Variants in EVA1B observed in about 807,000 individuals in gnomAD.
EVA1B encodes the protein protein eva-1 homolog B.
A neutral mutation model predicts 4.6 loss-of-function variants in EVA1B; 2 were observed. That is an observed-to-expected ratio of 0.43 (90% CI 0.18 to 1.37). The LOEUF is 1.37. EVA1B is among the 40% of genes most tolerant of loss of function. EVA1B has a pLI of 0.28. For synonymous variants in EVA1B, 124 were observed against 115.8 expected (o/e 1.07, Z -0.46); for missense variants, 263 against 240.4 (o/e 1.09, Z -0.62).
Position 36,322,387 on chromosome 1 carries a change from A to C in EVA1B, c.406T>G (p.Trp136Gly). Residue 136 changes from tryptophan to glycine, a missense_variant, in exon 3 of 3, where the codon TGG (tryptophan) becomes GGG (glycine). Coordinates refer to ENST00000490466, the MANE Select transcript of EVA1B (RefSeq NM_001304762.2). ...EERERILREI[W>G]RTGQPDLLGT... ...AGCAGGTCCGGCTGCCCGGTGCGCC[A>C]GATCTCCCGCAGGATCCGTTCGCGC... The C allele has an allele frequency of 6.3e-7, 1 of 1,596,580 alleles. No individual in the cohort carries two copies. Among genetic ancestry groups the C allele is most frequent in the South Asian group, 1.1e-5 (1 of 90,314 alleles).
chr1:36,322,414 C>T lies in EVA1B; in HGVS notation c.379G>A (p.Glu127Lys). The change falls in exon 3 of 3, where the codon GAG becomes AAG. Residue 127 changes from glutamate to lysine, a missense_variant. Glu to Lys is a moderately conservative substitution (Grantham distance 56, BLOSUM62 1). Coordinates refer to ENST00000490466, the MANE Select transcript of EVA1B (RefSeq NM_001304762.2). ...EELERAQRLE[E>K]RERILREIWR... ...ATCTCCCGCAGGATCCGTTCGCGCTCCTCCAGCCGCTGCGCCCGCTCCAGC... is the reference window on the plus strand; with the variant it reads ...ATCTCCCGCAGGATCCGTTCGCGCTTCTCCAGCCGCTGCGCCCGCTCCAGC... The T allele has an allele frequency of 6.2e-7, 1 of 1,601,670 alleles. No homozygotes were observed. The highest frequency in any genetic ancestry group is 8.5e-7 in the Non-Finnish European group (1 of 1,179,282).
chr1:36,322,177 C>A lies in EVA1B; in HGVS notation c.*118G>T. 7.3e-7 allele frequency: 1 copy of A among 1,365,758 alleles called. No individual in the cohort carries two copies. The highest frequency in any genetic ancestry group is 2.8e-5 in the East Asian group (1 of 35,404). 84.6% of individuals were successfully genotyped at this position (1,365,758 alleles called of 1,614,324 possible). ...AGGGAGCCTCTCAGGGGGTGGCGGTCCACGCCCAGTAGCACCTGGGAGCTG... is the reference window on the plus strand; with the variant it reads ...AGGGAGCCTCTCAGGGGGTGGCGGTACACGCCCAGTAGCACCTGGGAGCTG... On this transcript the variant is annotated 3_prime_UTR_variant, in exon 3 of 3. Transcript: ENST00000490466.
At chr1:36,323,309 G>C (rs936714586) in intron 1 of EVA1B, 150 bp downstream of exon 1, 1 of 430,358 alleles carries the variant, frequency 2.3e-6, no homozygotes, top group Admixed American at 4.4e-5. Context: ...GAGGTCCCCA[G>C]CTGAGGCCCG....
At chr1:36,322,916 G>A in intron 2 of EVA1B, 55 bp downstream of exon 2, 1 of 1,590,714 alleles carries the variant, frequency 6.3e-7, no homozygotes, top group Middle Eastern at 1.7e-4. Context: ...GGGAGGGAAG[G>A]GGATGGTGGT....
At chr1:36,322,876 A>G in intron 2 of EVA1B, 95 bp downstream of exon 2, 1 of 1,527,974 alleles carries the variant, frequency 6.5e-7, no homozygotes, top group Non-Finnish European at 9.0e-7. Flanking sequence ...GAGGGCGGGG[A>G]GCGGGGCGGA....
In EVA1B at chr1:36,322,637, C is replaced by A. The variant is rs542369630; in HGVS notation, c.156G>T (p.Ser52=). 3.5e-4 allele frequency: 537 copies of A among 1,546,240 alleles called. 2 individuals are homozygous for A. The East Asian group carries it at 0.013, about 36-fold the overall frequency. Residue 52 remains serine, a synonymous_variant, in exon 3 of 3, where the codon TCG becomes TCT. Transcript: ENST00000490466. The part of the protein sequence containing the change: ...LTLCLLVISI[S]WAPRPRPRGP... ...CCCGGGGCCGCGGGCGGGGCGCCCA[C>A]GAGATGCTGATGACGAGCAGGCAGA...
At chr1:36,322,859 C>G in intron 2 of EVA1B, 112 bp downstream of exon 2, 1 of 1,508,704 alleles carries the variant, frequency 6.6e-7, no homozygotes, top group South Asian at 1.2e-5. Flanking sequence ...GAACCGCCAG[C>G]GGGCAAGAGG....
In EVA1B at chr1:36,323,558, C is replaced by G. The variant is rs1398358060; in HGVS notation, c.-130G>C. On this transcript the variant is annotated 5_prime_UTR_variant, in exon 1 of 3. Coordinates refer to ENST00000490466, the MANE Select transcript of EVA1B (RefSeq NM_001304762.2). ...GCCCGCTCGGGTCCCGCCGCCCCTC[C>G]GGCCCCGCTGGGCTCCCAGGCCGCG... 6.6e-6 allele frequency: 1 copy of G among 152,160 alleles called. No homozygotes were observed. The highest frequency in any genetic ancestry group is 1.5e-5 in the Non-Finnish European group (1 of 68,046). The allele number at this position is 152,160 out of a possible 1,614,324, so 9.4% of individuals were successfully genotyped here.
In EVA1B at chr1:36,322,629, G is replaced by A; in HGVS notation, c.164C>T (p.Pro55Leu). 6.5e-7 allele frequency: 1 copy of A among 1,545,536 alleles called. No individual in the cohort carries two copies. Residue 55 changes from proline to leucine, a missense_variant, in exon 3 of 3, where the codon CCC (proline) becomes CTC (leucine). Transcript: ENST00000490466. ...AGCCGGGCCCCGGGGCCGCGGGCGG[G>A]GCGCCCACGAGATGCTGATGACGAG... ...CLLVISISWA[P>L]RPRPRGPAQR...
At position 36,322,678 on chromosome 1, in the gene EVA1B, C is replaced by T; in HGVS notation, c.115G>A (p.Gly39Ser). The change falls in exon 3 of 3, where the codon GGC becomes AGC. Residue 39 changes from glycine to serine, a missense_variant. Coordinates refer to ENST00000490466, the MANE Select transcript of EVA1B (RefSeq NM_001304762.2). ...GLYFVLGVCFGLLLTLCLLVI... is the reference protein window; with the variant it reads ...GLYFVLGVCFSLLLTLCLLVI... Reference sequence around the variant, plus strand: ...AGCAGGCAGAGGGTGAGCAGCAGGCCGAAGCAGACGCCCAGCACGAAGTAG... The same window carrying T: ...AGCAGGCAGAGGGTGAGCAGCAGGCTGAAGCAGACGCCCAGCACGAAGTAG... The T allele has an allele frequency of 6.5e-7, 1 of 1,547,202 alleles. No homozygotes were observed. The highest frequency in any genetic ancestry group is 1.2e-5 in the South Asian group (1 of 83,994).
At chr1:36,322,888 G>A in intron 2 of EVA1B, 83 bp downstream of exon 2, 2 of 1,559,508 alleles carry the variant, frequency 1.3e-6, no homozygotes, top group South Asian at 1.1e-5. Context: ...CGGGGCGGAG[G>A]GGACGGACAA....
intron 2 of EVA1B, 32 bp downstream of exon 2, chr1:36,322,939 C>T (rs1229147761): frequency 1.2e-6 from 2 of 1,606,250 alleles, no homozygotes; most frequent in Admixed American, 3.4e-5. Context: ...GGGAAGGGTT[C>T]AGGCCCCCAG....
chr1:36,323,052 C>T lies in EVA1B; in HGVS notation c.-15G>A. 1.3e-6 allele frequency: 2 copies of T among 1,598,060 alleles called. No homozygotes were observed. Among genetic ancestry groups the T allele is most frequent in the Non-Finnish European group, 1.7e-6 (2 of 1,175,182 alleles). On this transcript the variant is annotated 5_prime_UTR_variant, in exon 2 of 3. Coordinates refer to ENST00000490466, the MANE Select transcript of EVA1B (RefSeq NM_001304762.2). ...GGGGCATCCATGCTGCTCTGGGGGG[C>T]AGCTCCCCTACCAGCCTGCGAGGTC...
chr1:36,322,322 G>T lies in EVA1B; in HGVS notation c.471C>A (p.Gly157=). The T allele has an allele frequency of 6.4e-7, 1 of 1,559,550 alleles. No individual in the cohort carries two copies. The highest frequency in any genetic ancestry group is 8.6e-7 in the Non-Finnish European group (1 of 1,161,722). The change falls in exon 3 of 3, where the codon GGC becomes GGA. Residue 157 remains glycine, a synonymous_variant. Transcript: ENST00000490466. The part of the protein sequence containing the change: ...GTLGPSPTAT[G]TLGRMHYY ...AGTAATAGTGCATGCGGCCCAGGGTGCCCGTGGCCGTGGGGCTGGGCCCCA... is the reference window on the plus strand; with the variant it reads ...AGTAATAGTGCATGCGGCCCAGGGTTCCCGTGGCCGTGGGGCTGGGCCCCA...
At chr1:36,323,223 A>T (rs909118035) in intron 1 of EVA1B, among the ~76,000 whole-genome samples, 156 bp from the exon 2 acceptor site, 1 of 151,704 alleles carries the variant, frequency 6.6e-6, no homozygotes, top group African/African-American at 2.4e-5. Flanking sequence ...GTCGGGGGGA[A>T]CCCCTCTCCC....
At chr1:36,322,868 G>C (rs1646491438) in intron 2 of EVA1B, 103 bp downstream of exon 2, 4 of 1,529,828 alleles carry the variant, frequency 2.6e-6, no homozygotes, top group South Asian at 1.2e-5. Flanking sequence ...GCGGGCAAGA[G>C]GGCGGGGAGC....
upstream of EVA1B, chr1:36,323,931 A>G (rs1401566949): frequency 6.6e-6 from 1 of 152,222 alleles, no homozygotes; most frequent in East Asian, 1.9e-4. Context: ...CATTATCCCC[A>G]CTTCGCAGAT....
Position 36,322,144 on chromosome 1 carries a change from AC to A in EVA1B, c.*150del. On this transcript the variant is annotated 3_prime_UTR_variant, in exon 3 of 3. Coordinates refer to ENST00000490466, the MANE Select transcript of EVA1B (RefSeq NM_001304762.2). ...CCCGCCCCCGGGGTCTTCTGGCAGGACTGGGGAAGGGAGCCTCTCAGGGGGT... is the reference window on the plus strand; with the variant it reads ...CCCGCCCCCGGGGTCTTCTGGCAGGATGGGGAAGGGAGCCTCTCAGGGGGT... 7.4e-7 allele frequency: 1 copy of A among 1,352,240 alleles called. No homozygotes were observed. Among genetic ancestry groups the A allele is most frequent in the Non-Finnish European group, 9.6e-7 (1 of 1,046,154 alleles). The allele number at this position is 1,352,240 out of a possible 1,614,324, so 83.8% of individuals were successfully genotyped here.
rs1557489497 is a variant in EVA1B at position 36,322,133 on chromosome 1, C to T, written c.*162G>A. 1 of 1,349,720 alleles carries T rather than the reference C, an allele frequency of 7.4e-7. No individual in the cohort carries two copies. The highest frequency in any genetic ancestry group is 1.7e-5 in the South Asian group (1 of 58,790). The allele number at this position is 1,349,720 out of a possible 1,614,324, so 83.6% of individuals were successfully genotyped here. On this transcript the variant is annotated 3_prime_UTR_variant, in exon 3 of 3. Transcript: ENST00000490466. The stretch of plus-strand genomic sequence containing the variant: ...GCTGCCCCCTCCCCGCCCCCGGGGT[C>T]TTCTGGCAGGACTGGGGAAGGGAGC...
Sources: gnomAD v4.1 joint callset for allele counts (sites outside exome capture counted in the v4.1 genomes callset) on GRCh38, gnomAD v4.1.1 for gene constraint, MANE v1.5 for transcripts, NCBI Gene and HGNC (gene_info 2026-07-23, HGNC 2026-07-21) for gene names.